NCKAP5: variants seen among roughly 807,000 people sequenced by gnomAD.
NCKAP5 encodes nck-associated protein 5.
In NCKAP5, 92 loss-of-function variants were observed where a neutral mutation model predicts 167.0. That is an observed-to-expected ratio of 0.55 (90% CI 0.47 to 0.66). The LOEUF is 0.66. Ranked by LOEUF, NCKAP5 falls within the 30% of genes least tolerant of loss-of-function variation. The probability of loss-of-function intolerance (pLI) is 0.00; values close to 1 mark genes in which losing one functional copy is unlikely to be tolerated. For missense variants in NCKAP5, 2,378 were observed against 2,315.0 expected, an observed-to-expected ratio of 1.03 and a Z score of -0.56; for synonymous variants, 891 against 877.4, an observed-to-expected ratio of 1.02 and a Z score of -0.27.
intron 19 of NCKAP5, among the ~76,000 whole-genome samples, chr2:132,702,665 T>G (rs1464608684): frequency 2.6e-5 from 4 of 152,124 alleles, no homozygotes; most frequent in African/African-American, 9.7e-5. Context: ...GTCTTGGTAC[T>G]TTCTGTTTTT....
intron 5 of NCKAP5, among the ~76,000 whole-genome samples, chr2:133,156,936 C>T (rs761422821): frequency 6.6e-6 from 1 of 152,118 alleles, no homozygotes; most frequent in Non-Finnish European, 1.5e-5. Flanking sequence ...CTCATATGAA[C>T]TCTCCACTCC....
intron 6 of NCKAP5, among the ~76,000 whole-genome samples, chr2:133,001,702 G>T (rs1345277642): frequency 6.6e-6 from 1 of 152,044 alleles, no homozygotes; most frequent in Non-Finnish European, 1.5e-5. Context: ...CATTTACTTG[G>T]CTGGGTATCA....
chr2:132,854,304 T>A (rs1689297675), intron 11 of NCKAP5, among the ~76,000 whole-genome samples: 1 of 152,164 alleles, frequency 6.6e-6, no homozygotes. Context: ...AACACACCCC[T>A]CAATTGCTTT....
At chr2:133,516,253 A>T (rs1475013179) in intron 3 of NCKAP5, among the ~76,000 whole-genome samples, 5 of 152,208 alleles carry the variant, frequency 3.3e-5, no homozygotes, top group African/African-American at 1.2e-4. Context: ...ATACACATAC[A>T]TATACACACA....
the NCKAP5 span, among the ~76,000 whole-genome samples, chr2:133,642,662 C>T: frequency 6.6e-6 from 1 of 152,322 alleles, no homozygotes; most frequent in South Asian, 2.1e-4. Context: ...CCAACATGCT[C>T]ATAGCATTTC....
At chr2:132,981,183 A>T (rs1286524524) in intron 7 of NCKAP5, among the ~76,000 whole-genome samples, 1 of 152,228 alleles carries the variant, frequency 6.6e-6, no homozygotes, top group African/African-American at 2.4e-5. Context: ...CAATGGAATC[A>T]TCATGAATGA....
intron 6 of NCKAP5, among the ~76,000 whole-genome samples, chr2:133,105,430 T>C (rs1360804438): frequency 3.3e-5 from 5 of 152,232 alleles, no homozygotes; most frequent in Admixed American, 3.3e-4. Context: ...TATAAGAGAA[T>C]AAAATACTAA....
chr2:133,235,433 T>C (rs1353569879), intron 4 of NCKAP5, among the ~76,000 whole-genome samples: 1 of 152,120 alleles, frequency 6.6e-6, no homozygotes, highest in Non-Finnish European at 1.5e-5. Flanking sequence ...AAGTACTAAG[T>C]CCTCCTGAGT....
At chr2:133,202,394 G>T (rs1028834458) in intron 5 of NCKAP5, among the ~76,000 whole-genome samples, 23 of 152,254 alleles carry the variant, frequency 1.5e-4, no homozygotes, top group East Asian at 3.9e-4. Flanking sequence ...ATTCAAAATG[G>T]ATTAAAGACT....
intron 11 of NCKAP5, among the ~76,000 whole-genome samples, chr2:132,847,983 T>C (rs1203881040): frequency 6.6e-6 from 1 of 152,172 alleles, no homozygotes; most frequent in Non-Finnish European, 1.5e-5. Context: ...CAACTATATG[T>C]AGAATGTGTT....
intron 4 of NCKAP5, among the ~76,000 whole-genome samples, chr2:133,231,363 C>T (rs2087138373): frequency 6.6e-6 from 1 of 152,150 alleles, no homozygotes; most frequent in African/African-American, 2.4e-5. Flanking sequence ...TCAACATATT[C>T]ACCCTTTGTT....
intron 4 of NCKAP5, among the ~76,000 whole-genome samples, chr2:133,223,410 G>C (rs2086740073): frequency 6.6e-6 from 1 of 152,112 alleles, no homozygotes; most frequent in Non-Finnish European, 1.5e-5. Context: ...GCCCTGGGGA[G>C]TCACCCGCCG....
intron 6 of NCKAP5, among the ~76,000 whole-genome samples, chr2:133,049,148 A>T (rs1230421479): frequency 6.6e-6 from 1 of 152,210 alleles, no homozygotes; most frequent in Admixed American, 6.5e-5. Context: ...TTTAACAACT[A>T]AATGACTGTG....
At chr2:132,958,278 A>G (rs193238088) in intron 8 of NCKAP5, among the ~76,000 whole-genome samples, 110 of 152,296 alleles carry the variant, frequency 7.2e-4, no homozygotes, top group Non-Finnish European at 3.2e-4. Flanking sequence ...CCTCTAGTCC[A>G]ATAACATTAA....
chr2:133,412,517 G>A (rs1688840297), intron 3 of NCKAP5, among the ~76,000 whole-genome samples: 2 of 152,136 alleles, frequency 1.3e-5, no homozygotes, highest in South Asian at 4.1e-4. Context: ...ACAAGGCTCA[G>A]GTCTCTCATT....
rs534510459 is a variant in NCKAP5 at position 133,092,086 on chromosome 2, G to A, written c.341+37892C>T. 5.3e-5 allele frequency among the ~76,000 whole-genome samples: 8 copies of A among 152,304 alleles called. No individual in the cohort carries two copies. In the East Asian group the frequency reaches 1.5e-3, roughly 29 times the overall value. On this transcript the variant is annotated intron_variant, in intron 6 of 19. Coordinates refer to ENST00000409261, the MANE Select transcript of NCKAP5 (RefSeq NM_207363.3). Reference sequence around the variant, plus strand: ...ACATGATCAGTTCATGGCCACCACAGTGGGTTGAATTGTGTCTCCTGTAAA... The same window carrying A: ...ACATGATCAGTTCATGGCCACCACAATGGGTTGAATTGTGTCTCCTGTAAA...
At chr2:133,030,412 G>A (rs1573800422) in intron 6 of NCKAP5, among the ~76,000 whole-genome samples, 1 of 152,306 alleles carries the variant, frequency 6.6e-6, no homozygotes, top group East Asian at 1.9e-4. Context: ...GCACCATGGT[G>A]AGCCTGTGTC....
At chr2:133,210,780 T>C (rs1447334489) in intron 5 of NCKAP5, among the ~76,000 whole-genome samples, 1 of 152,082 alleles carries the variant, frequency 6.6e-6, no homozygotes, top group Non-Finnish European at 1.5e-5. Flanking sequence ...CTAAAATAAA[T>C]TAATGAAAGT....
intron 5 of NCKAP5, among the ~76,000 whole-genome samples, chr2:133,204,447 A>G (rs1574371202): frequency 6.6e-6 from 1 of 152,172 alleles, no homozygotes; most frequent in African/African-American, 2.4e-5. Flanking sequence ...TGTTTTTCAC[A>G]TCCGCCAAGT....
Sources: gnomAD v4.1 joint callset for allele counts (sites outside exome capture counted in the v4.1 genomes callset) on GRCh38, gnomAD v4.1.1 for gene constraint, MANE v1.5 for transcripts, NCBI Gene and HGNC (gene_info 2026-07-23, HGNC 2026-07-21) for gene names.